ZNF830: variants seen among roughly 807,000 people sequenced by gnomAD.
ZNF830 encodes coiled-coil domain containing 16.
In ZNF830, 15 loss-of-function variants were observed where a neutral mutation model predicts 28.1. The observed-to-expected ratio is 0.53, with a 90% CI of 0.36 to 0.82. The LOEUF is 0.82. ZNF830 is among the 40% of genes least tolerant of loss of function. The pLI is 0.01. For synonymous variants in ZNF830, 208 were observed against 185.3 expected, an observed-to-expected ratio of 1.12 and a Z score of -0.99; for missense variants, 456 against 467.7, an observed-to-expected ratio of 0.97 and a Z score of 0.23.
In ZNF830 at chr17:34,961,725, T is replaced by G; in HGVS notation, c.159T>G (p.Cys53Trp). The G allele has an allele frequency of 6.2e-7, 1 of 1,614,186 alleles. No homozygotes were observed. Among genetic ancestry groups the G allele is most frequent in the Non-Finnish European group, 8.5e-7 (1 of 1,180,026 alleles). The change falls in exon 1 of 1, where the codon TGT becomes TGG. Residue 53 changes from cysteine to tryptophan, a missense_variant. Around this residue, in one of 2 missense-constraint regions of ZNF830, gnomAD observed 331 missense variants for 290.1 expected, o/e 1.14. Transcript: ENST00000361952. The stretch of plus-strand genomic sequence containing the variant: ...ACAACCGTTTGGGGCAGCTGAGTTG[T>G]GCCCTGTGTAACACTCCGGTTAAGA... ...AKYNRLGQLS[C>W]ALCNTPVKSE...
rs1050391749 is a variant in ZNF830 at position 34,963,074 on chromosome 17, T to C, written c.*389T>C. ...TGAATGCTTACTGTGGTATTTGGAA[T>C]GTATGTATCTTCTGAACCCTACATC... is the stretch of plus-strand genomic sequence containing the variant. On this transcript the variant is annotated 3_prime_UTR_variant, in exon 1 of 1. Coordinates refer to ENST00000361952, the MANE Select transcript of ZNF830 (RefSeq NM_052857.4). 6 of 179,084 alleles carry C rather than the reference T, an allele frequency of 3.4e-5. No homozygotes were observed. Among genetic ancestry groups the C allele is most frequent in the African/African-American group, 1.4e-4 (6 of 41,738 alleles). 11.1% of individuals were successfully genotyped at this position (179,084 alleles called of 1,614,324 possible).
Position 34,962,710 on chromosome 17 carries a change from ACAGCCTCTGCT to A in ZNF830, c.*26_*36del, listed in dbSNP as rs772191631. On this transcript the variant is annotated 3_prime_UTR_variant, in exon 1 of 1. Transcript: ENST00000361952. ...GGGTTTTAAAGACCCAAGGTTTCTA[ACAGCCTCTGCT>A]GTTGTATAAAAAGTGCTGTCTCTCA... 6.4e-7 allele frequency: 1 copy of A among 1,550,410 alleles called. No individual in the cohort carries two copies. The highest frequency in any genetic ancestry group is 2.1e-5 in the Admixed American group (1 of 47,766).
chr17:34,962,351 A>C lies in ZNF830; in HGVS notation c.785A>C (p.Lys262Thr), dbSNP rs1597773389. The C allele has an allele frequency of 6.2e-7, 1 of 1,614,198 alleles. No homozygotes were observed. Among genetic ancestry groups the C allele is most frequent in the Non-Finnish European group, 8.5e-7 (1 of 1,180,050 alleles). Residue 262 changes from lysine (K) to threonine (T), a missense_variant, in exon 1 of 1, where the codon AAG becomes ACG. By Grantham distance (78) the Lys-to-Thr change is moderately conservative. Coordinates refer to ENST00000361952, the MANE Select transcript of ZNF830 (RefSeq NM_052857.4). ...DDPEVDARVR[K>T]VDAPKDQMDK... ...CCTGAGGTAGATGCAAGAGTACGAA[A>C]GGTTGATGCTCCAAAAGATCAGATG...
Position 34,962,786 on chromosome 17 carries a change from C to T in ZNF830, c.*101C>T. The stretch of plus-strand genomic sequence containing the variant: ...ACTTCATGCCTCAAGATTTGGGTAC[C>T]TGGATTGCTAAACTGGATTGTTGAG... On this transcript the variant is annotated 3_prime_UTR_variant, in exon 1 of 1. Coordinates refer to ENST00000361952, the MANE Select transcript of ZNF830 (RefSeq NM_052857.4). 6.8e-7 allele frequency: 1 copy of T among 1,476,456 alleles called. No individual in the cohort carries two copies. Among genetic ancestry groups the T allele is most frequent in the South Asian group, 1.5e-5 (1 of 65,360 alleles). 91.5% of individuals were successfully genotyped at this position (1,476,456 alleles called of 1,614,324 possible). A position where few individuals can be genotyped will look rare whatever the true frequency, so the allele number is the denominator to read the frequency against.
rs769854321 is a variant in ZNF830, at chr17:34,961,930, C to T, written c.364C>T (p.Pro122Ser). Residue 122 changes from proline to serine, a missense_variant, in exon 1 of 1, where the codon CCT (proline) becomes TCT (serine). Coordinates refer to ENST00000361952, the MANE Select transcript of ZNF830 (RefSeq NM_052857.4). The stretch of plus-strand genomic sequence containing the variant: ...CAAGAGAGCGAAGGCCACCTTGGTG[C>T]CTCAGGTACAGCCCTCCACATCTGC... ...DVKRAKATLV[P>S]QVQPSTSAWT... 3.7e-6 allele frequency: 6 copies of T among 1,614,196 alleles called. No homozygotes were observed. The highest frequency in any genetic ancestry group is 3.3e-5 in the South Asian group (3 of 91,084).
In ZNF830 at chr17:34,961,563, C is replaced by G. The variant is rs7216234; in HGVS notation, c.-4C>G. 6.6e-3 allele frequency: 10,674 copies of G among 1,612,964 alleles called. 136 individuals carry two copies. The highest frequency in any genetic ancestry group is 0.052 in the Middle Eastern group (312 of 6,058). On this transcript the variant is annotated 5_prime_UTR_variant, in exon 1 of 1. Coordinates refer to ENST00000361952, the MANE Select transcript of ZNF830 (RefSeq NM_052857.4). Reference sequence around the variant, plus strand: ...CCAGAATCGTTTTGGGTCTGGTCGCCAAGATGGCGTCCTCCGCCTCCGCCC... The same window carrying G: ...CCAGAATCGTTTTGGGTCTGGTCGCGAAGATGGCGTCCTCCGCCTCCGCCC...
At position 34,963,657 on chromosome 17, in the gene ZNF830, T is replaced by C. The variant is rs2090442836; in HGVS notation, c.*972T>C. On this transcript the variant is annotated 3_prime_UTR_variant, in exon 1 of 1. Coordinates refer to ENST00000361952, the MANE Select transcript of ZNF830 (RefSeq NM_052857.4). ...ACAATTGGCTCTTGCTGGTCATTGA[T>C]AGTTTAAATCACTCCTTCCTTTAGA... The C allele has an allele frequency of 6.6e-6, 1 of 152,246 alleles. No homozygotes were observed. Among genetic ancestry groups the C allele is most frequent in the East Asian group, 1.9e-4 (1 of 5,200 alleles). 9.4% of individuals were successfully genotyped at this position (152,246 alleles called of 1,614,324 possible).
chr17:34,961,614 A>G lies in ZNF830; in HGVS notation c.48A>G (p.Ile16Met). The G allele has an allele frequency of 6.2e-7, 1 of 1,614,196 alleles. No individual in the cohort carries two copies. Among genetic ancestry groups the G allele is most frequent in the Non-Finnish European group, 8.5e-7 (1 of 1,180,034 alleles). ...SARTPAGKRV[I>M]NQEELRRLMK... Reference sequence around the variant, plus strand: ...GGACTCCGGCAGGGAAGCGAGTGATAAATCAGGAAGAATTGCGGCGGTTAA... The same window carrying G: ...GGACTCCGGCAGGGAAGCGAGTGATGAATCAGGAAGAATTGCGGCGGTTAA... The change falls in exon 1 of 1, where the codon ATA becomes ATG. Residue 16 changes from isoleucine (I) to methionine (M), a missense_variant. Ile to Met is a conservative substitution (Grantham distance 10). This residue lies in a region of ZNF830 where 331 missense variants were observed against 290.1 expected (regional missense o/e 1.14). Transcript: ENST00000361952.
chr17:34,962,563 A>G lies in ZNF830; in HGVS notation c.997A>G (p.Lys333Glu). The G allele has an allele frequency of 3.7e-6, 6 of 1,614,112 alleles. No homozygotes were observed. The highest frequency in any genetic ancestry group is 5.1e-6 in the Non-Finnish European group (6 of 1,180,030). ...CCAGGATGAAATAAAAAATAAACTT[A>G]AAGAAATCCTGACCATAAAAGAACT... ...NRQDEIKNKLKEILTIKELQK... is the reference protein window; with the variant it reads ...NRQDEIKNKLEEILTIKELQK... The change falls in exon 1 of 1, where the codon AAA (lysine) becomes GAA (glutamate). Residue 333 changes from lysine to glutamate, a missense_variant. By Grantham distance (56) the Lys-to-Glu change is moderately conservative. Transcript: ENST00000361952.
Position 34,961,982 on chromosome 17 carries a change from G to T in ZNF830, c.416G>T (p.Gly139Val). 6.2e-7 allele frequency: 1 copy of T among 1,614,134 alleles called. No individual in the cohort carries two copies. Among genetic ancestry groups the T allele is most frequent in the Non-Finnish European group, 8.5e-7 (1 of 1,180,024 alleles). Residue 139 changes from glycine (G) to valine (V), a missense_variant, in exon 1 of 1, where the codon GGA (glycine) becomes GTA (valine). Physicochemically the swap from Gly to Val is moderately radical, Grantham distance 109 (BLOSUM62 -3). Coordinates refer to ENST00000361952, the MANE Select transcript of ZNF830 (RefSeq NM_052857.4). ...SAWTTNFDKI[G>V]KEFIRATPSK... Reference sequence around the variant, plus strand: ...TGGACCACCAACTTTGACAAAATAGGAAAGGAGTTCATTAGAGCGACTCCC... The same window carrying T: ...TGGACCACCAACTTTGACAAAATAGTAAAGGAGTTCATTAGAGCGACTCCC...
rs754747119 is a variant in ZNF830, at chr17:34,962,737, C to A, written c.*52C>A. 2.0e-6 allele frequency: 3 copies of A among 1,531,150 alleles called. No individual in the cohort carries two copies. The highest frequency in any genetic ancestry group is 2.6e-6 in the Non-Finnish European group (3 of 1,145,884). The allele number at this position is 1,531,150 out of a possible 1,614,324, so 94.8% of individuals were successfully genotyped here. A position where few individuals can be genotyped will look rare whatever the true frequency, so the allele number is the denominator to read the frequency against. On this transcript the variant is annotated 3_prime_UTR_variant, in exon 1 of 1. Coordinates refer to ENST00000361952, the MANE Select transcript of ZNF830 (RefSeq NM_052857.4). ...AGCCTCTGCTGTTGTATAAAAAGTG[C>A]TGTCTCTCAGTAGTATAGCGGTTAC...
rs2090430909 is a variant in ZNF830 at position 34,962,347 on chromosome 17, C to A, written c.781C>A (p.Arg261=). 1 of 1,614,006 alleles carries A rather than the reference C, an allele frequency of 6.2e-7. No homozygotes were observed. The highest frequency in any genetic ancestry group is 8.5e-7 in the Non-Finnish European group (1 of 1,180,028). The change falls in exon 1 of 1, where the codon CGA becomes AGA. Residue 261 remains arginine, a synonymous_variant. Coordinates refer to ENST00000361952, the MANE Select transcript of ZNF830 (RefSeq NM_052857.4). ...FDDPEVDARV[R]KVDAPKDQMD... is the part of the protein sequence containing the mutation. ...CGACCCTGAGGTAGATGCAAGAGTA[C>A]GAAAGGTTGATGCTCCAAAAGATCA...
At position 34,962,774 on chromosome 17, in the gene ZNF830, A is replaced by T; in HGVS notation, c.*89A>T. 6.7e-7 allele frequency: 1 copy of T among 1,482,304 alleles called. No homozygotes were observed. The highest frequency in any genetic ancestry group is 8.9e-7 in the Non-Finnish European group (1 of 1,119,560). The allele number at this position is 1,482,304 out of a possible 1,614,324, so 91.8% of individuals were successfully genotyped here. On this transcript the variant is annotated 3_prime_UTR_variant, in exon 1 of 1. Transcript: ENST00000361952. ...AGTATAGCGGTTACTTCATGCCTCA[A>T]GATTTGGGTACCTGGATTGCTAAAC...
At position 34,962,236 on chromosome 17, in the gene ZNF830, G is replaced by C; in HGVS notation, c.670G>C (p.Gly224Arg). The C allele has an allele frequency of 2.5e-6, 4 of 1,613,926 alleles. No homozygotes were observed. Among genetic ancestry groups the C allele is most frequent in the Non-Finnish European group, 3.4e-6 (4 of 1,180,042 alleles). ...PPKAPIIPHS[G>R]SIEKAEIHEK... ...CAAGGCCCCCATAATTCCTCATTCA[G>C]GGTCAATTGAGAAAGCAGAAATACA... is the stretch of plus-strand genomic sequence containing the variant. The change falls in exon 1 of 1, where the codon GGG (glycine) becomes CGG (arginine). Residue 224 changes from glycine (G) to arginine (R), a missense_variant. Gly to Arg is a moderately radical substitution (Grantham distance 125, BLOSUM62 -2). This residue lies in a region of ZNF830 where 331 missense variants were observed against 290.1 expected (regional missense o/e 1.14). Transcript: ENST00000361952.
chr17:34,962,400 A>G lies in ZNF830; in HGVS notation c.834A>G (p.Gln278=), dbSNP rs1029072353. ...DQMDKEWDEF[Q]KAMRQVNTIS... Reference sequence around the variant, plus strand: ...TGGACAAAGAGTGGGACGAATTCCAAAAAGCCATGAGGCAGGTCAACACTA... The same window carrying G: ...TGGACAAAGAGTGGGACGAATTCCAGAAAGCCATGAGGCAGGTCAACACTA... Residue 278 remains glutamine (Q), a synonymous_variant, in exon 1 of 1, where the codon CAA becomes CAG. Transcript: ENST00000361952. 9 of 1,614,098 alleles carry G rather than the reference A, an allele frequency of 5.6e-6. No individual in the cohort carries two copies. The highest frequency in any genetic ancestry group is 6.8e-6 in the Non-Finnish European group (8 of 1,180,052).
At position 34,961,974 on chromosome 17, in the gene ZNF830, C is replaced by T. The variant is rs2090426389; in HGVS notation, c.408C>T (p.Asp136=). The T allele has an allele frequency of 2.5e-6, 4 of 1,613,984 alleles. No individual in the cohort carries two copies. The highest frequency in any genetic ancestry group is 8.5e-7 in the Non-Finnish European group (1 of 1,180,044). ...PSTSAWTTNF[D]KIGKEFIRAT... Reference sequence around the variant, plus strand: ...CATCTGCGTGGACCACCAACTTTGACAAAATAGGAAAGGAGTTCATTAGAG... The same window carrying T: ...CATCTGCGTGGACCACCAACTTTGATAAAATAGGAAAGGAGTTCATTAGAG... Residue 136 remains aspartate (D), a synonymous_variant, in exon 1 of 1, where the codon GAC becomes GAT. Transcript: ENST00000361952.
chr17:34,963,614 GT>G lies in ZNF830; in HGVS notation c.*931del, dbSNP rs1316935595. 5 of 152,160 alleles carry G rather than the reference GT, an allele frequency of 3.3e-5. No individual in the cohort carries two copies. The highest frequency in any genetic ancestry group is 7.3e-5 in the Non-Finnish European group (5 of 68,034). 9.4% of individuals were successfully genotyped at this position (152,160 alleles called of 1,614,324 possible). A position where few individuals can be genotyped will look rare whatever the true frequency, so the allele number is the denominator to read the frequency against. On this transcript the variant is annotated 3_prime_UTR_variant, in exon 1 of 1. Coordinates refer to ENST00000361952, the MANE Select transcript of ZNF830 (RefSeq NM_052857.4). ...TATCTATTGTAGAAAGAATATTTAA[GT>G]TGTCTTTCCAGCAGTAACAATTGGC...
chr17:34,962,964 A>C lies in ZNF830; in HGVS notation c.*279A>C, dbSNP rs1309283041. 2.4e-5 allele frequency: 8 copies of C among 335,790 alleles called. No homozygotes were observed. Among genetic ancestry groups the C allele is most frequent in the Non-Finnish European group, 4.4e-5 (8 of 182,340 alleles). 20.8% of individuals were successfully genotyped at this position (335,790 alleles called of 1,614,324 possible). A position where few individuals can be genotyped will look rare whatever the true frequency, so the allele number is the denominator to read the frequency against. On this transcript the variant is annotated 3_prime_UTR_variant, in exon 1 of 1. Coordinates refer to ENST00000361952, the MANE Select transcript of ZNF830 (RefSeq NM_052857.4). ...GTATAATTTCGTTGTAAAATCTGTA[A>C]GTTGTAAATATTGTACATAGTTAAA...
chr17:34,962,007 C>T lies in ZNF830; in HGVS notation c.441C>T (p.Pro147=). The T allele has an allele frequency of 4.3e-6, 7 of 1,614,118 alleles. No individual in the cohort carries two copies. Among genetic ancestry groups the T allele is most frequent in the Non-Finnish European group, 5.9e-6 (7 of 1,180,030 alleles). The change falls in exon 1 of 1, where the codon CCC becomes CCT. Residue 147 remains proline, a synonymous_variant. Coordinates refer to ENST00000361952, the MANE Select transcript of ZNF830 (RefSeq NM_052857.4). ...KIGKEFIRAT[P]SKPSGLSLLP... Reference sequence around the variant, plus strand: ...GAAAGGAGTTCATTAGAGCGACTCCCAGTAAGCCTTCAGGACTCAGTTTAC... The same window carrying T: ...GAAAGGAGTTCATTAGAGCGACTCCTAGTAAGCCTTCAGGACTCAGTTTAC...
Sources: gnomAD v4.1 joint callset for allele counts on GRCh38, gnomAD v4.1.1 for gene constraint, gnomAD v4.1.1 regional missense constraint, MANE v1.5 for transcripts, NCBI Gene and HGNC (gene_info 2026-07-23, HGNC 2026-07-21) for gene names.